FKBP5: variants seen among roughly 807,000 people sequenced by gnomAD.
The protein encoded by FKBP5 is peptidyl-prolyl cis-trans isomerase FKBP5.
FKBP5 carries 23 observed loss-of-function variants against 50.5 expected under a neutral mutation model. The observed-to-expected ratio is 0.46, with a 90% CI of 0.33 to 0.65. The LOEUF (loss-of-function observed/expected upper bound fraction) is 0.65, where lower values mean the gene tolerates loss of function less well. FKBP5 is among the 30% of genes least tolerant of loss of function. The pLI is 0.02. For synonymous variants in FKBP5, 176 were observed against 190.6 expected (o/e 0.92, Z 0.63); for missense variants, 411 against 553.1 (o/e 0.74, Z 2.58).
At chr6:35,677,097 G>A (rs1312063309) in intron 1 of FKBP5, among the ~76,000 whole-genome samples, 1 of 152,160 alleles carries the variant, frequency 6.6e-6, no homozygotes, top group East Asian at 1.9e-4. Flanking sequence ...GTTTTAAGAC[G>A]TGGTCTCCCT....
chr6:35,711,394 C>A (rs926880741), intron 2 of FKBP5, among the ~76,000 whole-genome samples: 55 of 151,274 alleles, frequency 3.6e-4, no homozygotes, highest in African/African-American at 1.3e-3. Context: ...AAGGTGGGTG[C>A]ATCACCTGAG....
chr6:35,699,388 A>G (rs1766139323), intron 2 of FKBP5, among the ~76,000 whole-genome samples: 1 of 152,218 alleles, frequency 6.6e-6, no homozygotes, highest in Admixed American at 6.5e-5. Flanking sequence ...GTTACAGCCC[A>G]GTCCAGGTTC....
chr6:35,684,378 A>G lies in FKBP5; in HGVS notation c.-20+4426T>C, dbSNP rs1443213574. 3.3e-5 allele frequency among the ~76,000 whole-genome samples: 5 copies of G among 151,950 alleles called. No individual in the cohort carries two copies. In the East Asian group the frequency reaches 9.7e-4, roughly 30 times the overall value. On this transcript the variant is annotated intron_variant, in intron 1 of 10. Transcript: ENST00000357266. ...ACTTTTGTAGAGAGGAGGTTTCACC[A>G]TGTTTCCCAGGCTGGTCTCAAATTC...
At chr6:35,701,460 G>T (rs1766187663) in intron 2 of FKBP5, among the ~76,000 whole-genome samples, 1 of 151,680 alleles carries the variant, frequency 6.6e-6, no homozygotes, top group Admixed American at 6.6e-5. Flanking sequence ...AGCCGGGATG[G>T]TCTCGATCTC....
At chr6:35,689,730 G>A (rs958375414), upstream of FKBP5, among the ~76,000 whole-genome samples, 1 of 152,068 alleles carries the variant, frequency 6.6e-6, no homozygotes, top group African/African-American at 2.4e-5. Context: ...CCAGCTACTC[G>A]GGAGGCTGAG....
intron 1 of FKBP5, among the ~76,000 whole-genome samples, chr6:35,645,603 T>C (rs1213118360): frequency 6.6e-6 from 1 of 152,194 alleles, no homozygotes; most frequent in African/African-American, 2.4e-5. Context: ...CATATTAGCT[T>C]ATTACTACTA....
chr6:35,726,754 G>A (rs556969990), intron 1 of FKBP5, among the ~76,000 whole-genome samples: 15 of 152,228 alleles, frequency 9.9e-5, no homozygotes, highest in Middle Eastern at 3.4e-3. Context: ...TTGCCCAAGG[G>A]GAGGATATCA....
Position 35,615,902 on chromosome 6 carries a change from T to A in FKBP5, c.508+3194A>T, listed in dbSNP as rs1197130876. ...GACATCAATATCATATACCTCTTGA[T>A]AATGATGAAAGGCACATCACTTCAG... On this transcript the variant is annotated intron_variant, in intron 5 of 10. Transcript: ENST00000357266. 2.0e-5 allele frequency among the ~76,000 whole-genome samples: 3 copies of A among 152,244 alleles called. No individual in the cohort carries two copies. In the South Asian group the frequency reaches 6.2e-4, roughly 32 times the overall value.
chr6:35,616,445 C>T (rs1310072760), intron 5 of FKBP5, among the ~76,000 whole-genome samples: 1 of 151,322 alleles, frequency 6.6e-6, no homozygotes, highest in Non-Finnish European at 1.5e-5. Flanking sequence ...ACTGGTACTA[C>T]ATCAATGTTA....
At position 35,609,849 on chromosome 6, in the gene FKBP5, G is replaced by C. The variant is rs190228034; in HGVS notation, c.508+9247C>G. Among the ~76,000 whole-genome samples the C allele has an allele frequency of 2.6e-3, 396 of 152,222 alleles. 2 individuals are homozygous for C. The highest frequency in any genetic ancestry group is 6.8e-3 in the Middle Eastern group (2 of 294). Reference sequence around the variant, plus strand: ...CTCCCTTTCCTTTTTCAGGGAAGTTGGCTTTTTGACTTATGAATCTGATGT... The same window carrying C: ...CTCCCTTTCCTTTTTCAGGGAAGTTCGCTTTTTGACTTATGAATCTGATGT... On this transcript the variant is annotated intron_variant, in intron 5 of 10. Transcript: ENST00000357266.
In FKBP5 at chr6:35,712,951, C is replaced by T. The variant is rs142577413; in HGVS notation, c.-20+7377G>A. 1.5e-3 allele frequency among the ~76,000 whole-genome samples: 231 copies of T among 151,660 alleles called. 6 individuals are homozygous for T. In the East Asian group the frequency reaches 0.039, roughly 26 times the overall value. ...CCAAAGCCAGGTGTGGTGGTGGGTG[C>T]CTGTAGTCCCAGCTACTCGGGAGGC... On this transcript the variant is annotated intron_variant, in intron 2 of 11. Transcript: ENST00000536438.
At chr6:35,625,379 C>A (rs1763963310) in intron 3 of FKBP5, among the ~76,000 whole-genome samples, 1 of 151,970 alleles carries the variant, frequency 6.6e-6, no homozygotes, top group Non-Finnish European at 1.5e-5. Context: ...GTCACCATGC[C>A]CAACCCCCAA....
intron 1 of FKBP5, among the ~76,000 whole-genome samples, chr6:35,723,919 C>T (rs553136214): frequency 6.6e-6 from 1 of 152,328 alleles, no homozygotes; most frequent in Non-Finnish European, 1.5e-5. Context: ...AAACAAAGTA[C>T]CCCAGACAGC....
Position 35,585,856 on chromosome 6 carries a change from C to G in FKBP5, c.840+1178G>C, listed in dbSNP as rs537570519. The G allele has an allele frequency of 1.1e-4, 113 of 985,310 alleles. No homozygotes were observed. In the South Asian group the frequency reaches 5.1e-3, roughly 45 times the overall value. The allele number at this position is 985,310 out of a possible 1,614,324, so 61.0% of individuals were successfully genotyped here. ...CTCAAATTCTGAAAACACATGGTGC[C>G]CTCTGGCTGTGTTAATTTTGGGTTG... On this transcript the variant is annotated intron_variant, in intron 8 of 10. Transcript: ENST00000357266.
chr6:35,688,652 T>G (rs1465982361), intron 1 of FKBP5, 152 bp downstream of exon 1: 7 of 149,928 alleles, frequency 4.7e-5, no homozygotes, highest in African/African-American at 1.7e-4. Flanking sequence ...CGGACCCCGC[T>G]CCCCCGCGAC....
In FKBP5 at chr6:35,575,617, G is replaced by A; in HGVS notation, c.*218C>T. ...CTCCCTCCACACCACAGTCATTTCT[G>A]TTTGTTCCACCTGGAGTGGTCCCGT... On this transcript the variant is annotated 3_prime_UTR_variant, in exon 11 of 11. Coordinates refer to ENST00000357266, the MANE Select transcript of FKBP5 (RefSeq NM_004117.4). The A allele has an allele frequency of 3.8e-6, 2 of 532,192 alleles. No homozygotes were observed. The highest frequency in any genetic ancestry group is 3.1e-5 in the East Asian group (1 of 32,294). The allele number at this position is 532,192 out of a possible 1,614,324, so 33.0% of individuals were successfully genotyped here.
chr6:35,577,975 A>G (rs1274132666), intron 9 of FKBP5, among the ~76,000 whole-genome samples: 4 of 150,828 alleles, frequency 2.7e-5, no homozygotes, highest in Non-Finnish European at 4.4e-5. Flanking sequence ...AATTGCTTGA[A>G]CCAGGGAGGT....
Position 35,597,285 on chromosome 6 carries a change from G to A in FKBP5, c.628C>T (p.Gln210Ter). The change falls in exon 6 of 11, where the codon CAG (glutamine) becomes TAG (stop). Residue 210 changes from glutamine to a stop codon, truncating the protein, a stop_gained. Transcript: ENST00000357266. LOFTEE classifies it high-confidence loss of function. The part of the protein sequence containing the change: ...IGIDKALEKM[Q>*]REEQCILYLG... ...TATAAAATACATTGTTCTTCCCGCT[G>A]CATTTTCTCCAGAGCTTTGTCAATT... The A allele has an allele frequency of 6.2e-7, 1 of 1,614,080 alleles. No homozygotes were observed. The highest frequency in any genetic ancestry group is 8.5e-7 in the Non-Finnish European group (1 of 1,180,006).
chr6:35,635,117 T>C (rs1764272527), intron 3 of FKBP5, among the ~76,000 whole-genome samples: 2 of 151,670 alleles, frequency 1.3e-5, no homozygotes, highest in Admixed American at 6.6e-5. Context: ...GGCGGATCAC[T>C]TGAGGTGAGG....
Sources: allele counts gnomAD v4.1 joint callset (sites outside exome capture counted in the v4.1 genomes callset), GRCh38; gene constraint gnomAD v4.1.1; transcripts MANE v1.5; gene names NCBI Gene and HGNC (gene_info 2026-07-23, HGNC 2026-07-21).